The following BACH2 variants were observed in gnomAD, a reference collection of about 807,000 sequenced individuals.
The protein encoded by BACH2 is BACH transcriptional regulator 2.
In BACH2, 5 loss-of-function variants were observed where a neutral mutation model predicts 61.8. That is an observed-to-expected ratio of 0.08 (90% CI 0.04 to 0.17). The LOEUF (loss-of-function observed/expected upper bound fraction) is 0.17. Among genes scored for constraint, BACH2 ranks in the 10% least tolerant of loss-of-function variants. BACH2 has a pLI of 1.00. For missense variants in BACH2, 824 were observed against 1,091.1 expected, an observed-to-expected ratio of 0.76 and a Z score of 3.45; for synonymous variants, 446 against 440.1, an observed-to-expected ratio of 1.01 and a Z score of -0.17.
At chr6:90,019,316 C>T (rs1778252408) in intron 5 of BACH2, among the ~76,000 whole-genome samples, 1 of 151,882 alleles carries the variant, frequency 6.6e-6, no homozygotes, top group Non-Finnish European at 1.5e-5. Context: ...GAAACAAAGC[C>T]ATAAATTCTT....
At chr6:90,137,141 G>A (rs912500161) in intron 4 of BACH2, among the ~76,000 whole-genome samples, 1 of 152,120 alleles carries the variant, frequency 6.6e-6, no homozygotes, top group African/African-American at 2.4e-5. Flanking sequence ...GGACAGGCTT[G>A]TCTTGACTCC....
intron 4 of BACH2, among the ~76,000 whole-genome samples, chr6:90,154,703 GTA>G (rs1303605168): frequency 6.6e-6 from 1 of 152,210 alleles, no homozygotes; most frequent in Non-Finnish European, 1.5e-5. Flanking sequence ...AAGGGAGGAA[GTA>G]TATCTGCCAA....
chr6:90,182,969 T>C (rs1768219769), intron 4 of BACH2, among the ~76,000 whole-genome samples: 1 of 152,222 alleles, frequency 6.6e-6, no homozygotes, highest in South Asian at 2.1e-4. Flanking sequence ...ATACCTTTGA[T>C]ATTTTGAACT....
intron 6 of BACH2, among the ~76,000 whole-genome samples, chr6:89,973,973 T>C (rs6910296): frequency 0.025 from 3,795 of 152,250 alleles, 245 homozygotes; most frequent in Admixed American, 0.14. Flanking sequence ...CTATTATTTC[T>C]TGTGTAAAGG....
Position 89,927,000 on chromosome 6 carries a change from G to C in BACH2, c.*5408C>G, listed in dbSNP as rs1354972714. The C allele has an allele frequency of 1.3e-5, 2 of 152,816 alleles. No homozygotes were observed. The highest frequency in any genetic ancestry group is 4.8e-5 in the African/African-American group (2 of 41,458). 9.5% of individuals were successfully genotyped at this position (152,816 alleles called of 1,614,324 possible). A position where few individuals can be genotyped will look rare whatever the true frequency, so the allele number is the denominator to read the frequency against. On this transcript the variant is annotated 3_prime_UTR_variant, in exon 9 of 9. Coordinates refer to ENST00000257749, the MANE Select transcript of BACH2 (RefSeq NM_021813.4). ...CCGTATTGTTCAACCTGGGGAGGAA[G>C]AGAAGAGGGGCTGCAGCCCCTTGCA...
intron 4 of BACH2, among the ~76,000 whole-genome samples, chr6:90,174,685 CTAAA>C (rs1222074551): frequency 6.6e-6 from 1 of 151,778 alleles, no homozygotes; most frequent in African/African-American, 2.4e-5. Flanking sequence ...AGTGGCATGG[CTAAA>C]TAAACTACAG....
At chr6:90,110,831 T>C (rs1783134302) in intron 4 of BACH2, among the ~76,000 whole-genome samples, 1 of 152,256 alleles carries the variant, frequency 6.6e-6, no homozygotes, top group South Asian at 2.1e-4. Flanking sequence ...GGGTTTTTCC[T>C]GGAGATAACC....
chr6:90,258,043 G>A (rs757433303), intron 2 of BACH2, among the ~76,000 whole-genome samples: 6 of 152,140 alleles, frequency 3.9e-5, no homozygotes, highest in Non-Finnish European at 5.9e-5. Context: ...CAAAAGTGCC[G>A]GGATTACAGG....
At chr6:90,164,775 A>G (rs1202566357) in intron 4 of BACH2, among the ~76,000 whole-genome samples, 4 of 152,248 alleles carry the variant, frequency 2.6e-5, no homozygotes, top group Non-Finnish European at 5.9e-5. Flanking sequence ...AAATCAATAA[A>G]CATAATCCAG....
rs1281222874 is a variant in BACH2, at chr6:89,951,866, C to T, written c.244-4G>A. Reference sequence around the variant, plus strand: ...GCCCAAAGCCCCTGGCTGTGACCTGCAAAACAAACAGGGAAATCGCCAACA... The same window carrying T: ...GCCCAAAGCCCCTGGCTGTGACCTGTAAAACAAACAGGGAAATCGCCAACA... On this transcript the variant is annotated splice_polypyrimidine_tract_variant and splice_region_variant and intron_variant, in intron 6 of 8. Transcript: ENST00000257749. This position sits in a 1 kb window ranked among gnomAD's most constrained non-coding sequence, Gnocchi z 6.4. 6.2e-7 allele frequency: 1 copy of T among 1,605,588 alleles called. No individual in the cohort carries two copies. The highest frequency in any genetic ancestry group is 8.5e-7 in the Non-Finnish European group (1 of 1,173,570).
chr6:90,243,421 A>T (rs1409559133), intron 3 of BACH2, among the ~76,000 whole-genome samples: 1 of 152,200 alleles, frequency 6.6e-6, no homozygotes, highest in African/African-American at 2.4e-5. Context: ...AATGCTTAAT[A>T]ATCATGACAG....
intron 4 of BACH2, among the ~76,000 whole-genome samples, chr6:90,116,137 C>T (rs567048792): frequency 6.6e-6 from 1 of 152,196 alleles, no homozygotes; most frequent in East Asian, 1.9e-4. Context: ...ACCATTTGAT[C>T]CAGCAATCCC....
chr6:90,142,061 A>C (rs753194147), intron 4 of BACH2, among the ~76,000 whole-genome samples: 4 of 152,220 alleles, frequency 2.6e-5, no homozygotes, highest in African/African-American at 4.8e-5. Flanking sequence ...ATCCTGGGTG[A>C]CAGAACTAGA....
At chr6:90,097,376 T>C (rs539664498) in intron 4 of BACH2, among the ~76,000 whole-genome samples, 1 of 152,216 alleles carries the variant, frequency 6.6e-6, no homozygotes, top group Admixed American at 6.5e-5. Context: ...AAAACCAACA[T>C]GTGAGTAATG....
At chr6:90,198,639 T>C (rs1171394291) in intron 4 of BACH2, among the ~76,000 whole-genome samples, 1 of 152,224 alleles carries the variant, frequency 6.6e-6, no homozygotes, top group Non-Finnish European at 1.5e-5. Flanking sequence ...AGACAAGGCA[T>C]TGCCATATCC....
chr6:90,021,679 A>C (rs1262361420), intron 5 of BACH2, among the ~76,000 whole-genome samples: 2 of 152,342 alleles, frequency 1.3e-5, no homozygotes, highest in East Asian at 3.9e-4. Context: ...TAGAGTGCAC[A>C]GTGCTATAAA....
At chr6:90,043,309 G>T (rs1225405497) in intron 5 of BACH2, among the ~76,000 whole-genome samples, 1 of 152,136 alleles carries the variant, frequency 6.6e-6, no homozygotes, top group Non-Finnish European at 1.5e-5. Context: ...TGAGGGTTCT[G>T]TCTTCATTAA....
At chr6:90,245,255 A>G (rs1049993085) in intron 3 of BACH2, among the ~76,000 whole-genome samples, 5 of 152,116 alleles carry the variant, frequency 3.3e-5, no homozygotes, top group African/African-American at 4.8e-5. Context: ...TTATTTAAGC[A>G]TTGCAAACTC....
rs1772674513 is a variant in BACH2 at position 89,931,952 on chromosome 6, T to C, written c.*456A>G. The C allele has an allele frequency of 6.8e-6, 1 of 147,510 alleles. No homozygotes were observed. Among genetic ancestry groups the C allele is most frequent in the Non-Finnish European group, 1.5e-5 (1 of 67,094 alleles). 9.1% of individuals were successfully genotyped at this position (147,510 alleles called of 1,614,324 possible). On this transcript the variant is annotated 3_prime_UTR_variant, in exon 9 of 9. Coordinates refer to ENST00000257749, the MANE Select transcript of BACH2 (RefSeq NM_021813.4). ...GCATATGGATATATATATATATATATATATATTTTATATATATATTATATA... is the reference window on the plus strand; with the variant it reads ...GCATATGGATATATATATATATATACATATATTTTATATATATATTATATA...
Sources: gnomAD v4.1 joint callset for allele counts (sites outside exome capture counted in the v4.1 genomes callset) on GRCh38, gnomAD v4.1.1 for gene constraint, Gnocchi (gnomAD v3.1) non-coding constraint, MANE v1.5 for transcripts, NCBI Gene and HGNC (gene_info 2026-07-23, HGNC 2026-07-21) for gene names.